NOTCH1: variants seen among roughly 807,000 people sequenced by gnomAD.
NOTCH1 encodes notch receptor 1.
NOTCH1 carries 37 observed loss-of-function variants against 254.8 expected under a neutral mutation model. The ratio of observed to expected loss-of-function variants is 0.15; its 90% CI spans 0.11 to 0.19. The LOEUF is 0.19. Ranked by LOEUF, NOTCH1 falls within the 10% of genes least tolerant of loss-of-function variation. The probability of loss-of-function intolerance (pLI) is 1.00; values close to 1 mark genes in which losing one functional copy is unlikely to be tolerated. For missense variants in NOTCH1, 2,972 were observed against 3,708.6 expected (o/e 0.80, Z 5.16); for synonymous variants, 1,731 against 1,618.1 (o/e 1.07, Z -1.68).
Position 136,506,861 on chromosome 9 carries a change from G to A in NOTCH1, c.3756C>T (p.Ser1252=), listed in dbSNP as rs1589059831. ...GTCVDQVGGY[S]CTCPPGFVGE... is the part of the protein sequence containing the mutation. ...CCACGAAGCCCGGCGGGCAGGTGCA[G>A]CTGTAGCCGCCCACCTGGTCCACGC... The change falls in exon 23 of 34, where the codon AGC becomes AGT. Residue 1252 remains serine, a synonymous_variant. Transcript: ENST00000651671. This position sits in a 1 kb window ranked among gnomAD's most constrained non-coding sequence, Gnocchi z 4.5. 6.2e-7 allele frequency: 1 copy of A among 1,611,186 alleles called. No individual in the cohort carries two copies. The highest frequency in any genetic ancestry group is 1.7e-4 in the Middle Eastern group (1 of 6,058).
At chr9:136,522,364 G>A (rs1172940044) in intron 4 of NOTCH1, among the ~76,000 whole-genome samples, 1 of 152,194 alleles carries the variant, frequency 6.6e-6, no homozygotes, top group Non-Finnish European at 1.5e-5. Flanking sequence ...AGGCTCCTAC[G>A]TACAACACGG....
intron 19 of NOTCH1, 98 bp downstream of exon 19, chr9:136,508,772 C>T (rs113223361): frequency 5.6e-6 from 7 of 1,247,642 alleles, no homozygotes; most frequent in African/African-American, 1.6e-5. Context: ...TGACCCCGAG[C>T]CGACACAGTG....
At chr9:136,504,589 C>A in intron 26 of NOTCH1, 84 bp downstream of exon 26, 2 of 1,363,170 alleles carry the variant, frequency 1.5e-6, no homozygotes, top group Non-Finnish European at 1.9e-6. Context: ...CTTGCCATGG[C>A]GCCGGCCGTG....
chr9:136,505,822 G>C lies in NOTCH1; in HGVS notation c.4074C>G (p.Leu1358=). The C allele has an allele frequency of 6.3e-7, 1 of 1,592,356 alleles. No individual in the cohort carries two copies. The highest frequency in any genetic ancestry group is 8.5e-7 in the Non-Finnish European group (1 of 1,174,538). The change falls in exon 25 of 34, where the codon CTC becomes CTG. Residue 1358 remains leucine, a synonymous_variant. Transcript: ENST00000651671. ...DARTCGSLRC[L]NGGTCISGPR... is the part of the protein sequence containing the mutation. ...GGCCGGAGATGCATGTGCCGCCGTT[G>C]AGGCAGCGCAGGCTGCCGCAGGTAC...
chr9:136,510,025 C>T lies in NOTCH1; in HGVS notation c.2741-64G>A, dbSNP rs549443754. 3.8e-5 allele frequency: 57 copies of T among 1,486,780 alleles called. No homozygotes were observed. The East Asian group carries it at 1.1e-3, about 28-fold the overall frequency. 92.1% of individuals were successfully genotyped at this position (1,486,780 alleles called of 1,614,324 possible). ...CAAACCCACACCTGCGGGAGGGGGC[C>T]GGGAAGGCTGCATGGCTGGGGACAG... On this transcript the variant is annotated intron_variant, in intron 17 of 33. Transcript: ENST00000651671.
chr9:136,502,852 C>T, intron 27 of NOTCH1: 3 of 580,020 alleles, frequency 5.2e-6, no homozygotes, highest in Non-Finnish European at 3.1e-6. Flanking sequence ...CAATTCTTCT[C>T]TCTCTCTCTT....
At chr9:136,510,449 G>A (rs1843160931) in intron 17 of NOTCH1, 1 of 658,970 alleles carries the variant, frequency 1.5e-6, no homozygotes, top group South Asian at 1.8e-5. Flanking sequence ...TCCGCGAAGT[G>A]CAGGGAGGAG....
chr9:136,508,165 G>T, intron 20 of NOTCH1, 26 bp from the exon 21 acceptor site: 2 of 1,608,348 alleles, frequency 1.2e-6, no homozygotes, highest in Middle Eastern at 1.7e-4. Flanking sequence ...TGGTAGACAG[G>T]TGAGGCCCAG....
intron 2 of NOTCH1, among the ~76,000 whole-genome samples, chr9:136,542,691 C>T (rs1843749416): frequency 6.6e-6 from 1 of 151,708 alleles, no homozygotes; most frequent in African/African-American, 2.4e-5. Flanking sequence ...GGGCCTGCTG[C>T]CCACAGGCTG....
In NOTCH1 at chr9:136,523,760, G is replaced by A. The variant is rs541839947; in HGVS notation, c.360C>T (p.Leu120=). 5.6e-6 allele frequency: 9 copies of A among 1,611,382 alleles called. No homozygotes were observed. In the South Asian group the frequency reaches 8.8e-5, roughly 16 times the overall value. The part of the protein sequence containing the change: ...PCRNGGTCDL[L]TLTEYKCRCP... ...AGCGGCACTTGTACTCCGTCAGCGT[G>A]AGCAGGTCGCAGGTGCCCCCGTTGC... is the stretch of plus-strand genomic sequence containing the variant. The change falls in exon 3 of 34, where the codon CTC becomes CTT. Residue 120 remains leucine (L), a synonymous_variant. Coordinates refer to ENST00000651671, the MANE Select transcript of NOTCH1 (RefSeq NM_017617.5).
intron 30 of NOTCH1, among the ~76,000 whole-genome samples, chr9:136,501,333 C>T (rs1165436598): frequency 6.6e-6 from 1 of 151,620 alleles, no homozygotes; most frequent in Non-Finnish European, 1.5e-5. Flanking sequence ...ACTGGGGAGG[C>T]TGAGGCAGGA....
At position 136,497,309 on chromosome 9, in the gene NOTCH1, C is replaced by G. The variant is rs776577038; in HGVS notation, c.6430G>C (p.Gly2144Arg). 2 of 1,607,422 alleles carry G rather than the reference C, an allele frequency of 1.2e-6. No homozygotes were observed. Among genetic ancestry groups the G allele is most frequent in the African/African-American group, 1.3e-5 (1 of 74,940 alleles). The change falls in exon 34 of 34, where the codon GGC becomes CGC. Residue 2144 changes from glycine (G) to arginine (R), a missense_variant. By Grantham distance (125) the Gly-to-Arg change is moderately radical. This residue lies in a region of NOTCH1 where 529 missense variants were observed against 529.2 expected (regional missense o/e 1.00). Transcript: ENST00000651671. Reference protein sequence around the residue: ...TLSPPLCSPNGYLGSLKPGVQ... With the variant: ...TLSPPLCSPNRYLGSLKPGVQ... ...CCGGGCTTGAGGCTGCCCAGGTAGC[C>G]GTTGGGCGAGCAGAGCGGGGGCGAC...
intron 27 of NOTCH1, 68 bp from the exon 28 acceptor site, chr9:136,502,556 CG>C (rs1334763265): frequency 9.7e-6 from 10 of 1,033,448 alleles, no homozygotes; most frequent in South Asian, 3.4e-5. Flanking sequence ...GGCTGGTGGC[CG>C]GGGGGCGGCG....
In NOTCH1 at chr9:136,513,329, G is replaced by A; in HGVS notation, c.2353+63C>T. The A allele has an allele frequency of 6.2e-7, 1 of 1,608,552 alleles. No individual in the cohort carries two copies. The highest frequency in any genetic ancestry group is 8.5e-7 in the Non-Finnish European group (1 of 1,178,096). Reference sequence around the variant, plus strand: ...CTGGCTGGACCTGGGTCCCGATCCTGTGTCTCCAGCTCCCCAGACTCGAGG... The same window carrying A: ...CTGGCTGGACCTGGGTCCCGATCCTATGTCTCCAGCTCCCCAGACTCGAGG... On this transcript the variant is annotated intron_variant, in intron 14 of 33. Transcript: ENST00000651671. The surrounding 1 kb of genome is among the most constrained non-coding windows in gnomAD (Gnocchi z 4.7).
intron 4 of NOTCH1, 22 bp downstream of exon 4, chr9:136,522,828 C>G: frequency 6.8e-7 from 1 of 1,463,684 alleles, no homozygotes; most frequent in Non-Finnish European, 9.0e-7. Flanking sequence ...GCTCGTGCAC[C>G]CCGGCCAGCG....
At chr9:136,509,475 C>T (rs553193559) in intron 18 of NOTCH1, among the ~76,000 whole-genome samples, 2 of 152,336 alleles carry the variant, frequency 1.3e-5, no homozygotes, top group East Asian at 1.9e-4. Context: ...ACAGAGTTCT[C>T]GTTGTCTAAT....
At chr9:136,514,914 C>T (rs1404643319) in intron 12 of NOTCH1, among the ~76,000 whole-genome samples, 2 of 152,134 alleles carry the variant, frequency 1.3e-5, no homozygotes, top group Admixed American at 1.3e-4. Flanking sequence ...GCCCCAGGGG[C>T]AGGGGCTACT....
intron 8 of NOTCH1, 133 bp from the exon 9 acceptor site, chr9:136,517,518 C>T (rs947508470): frequency 4.3e-5 from 35 of 817,382 alleles, no homozygotes; most frequent in African/African-American, 3.2e-4. Context: ...CCTGCGCACC[C>T]GCTCCCCTGC....
At position 136,508,926 on chromosome 9, in the gene NOTCH1, C is replaced by A; in HGVS notation, c.3115G>T (p.Gly1039Cys). The A allele has an allele frequency of 6.5e-7, 1 of 1,549,454 alleles. No homozygotes were observed. The highest frequency in any genetic ancestry group is 1.2e-5 in the South Asian group (1 of 84,020). ...PCLHGGTCQD[G>C]CGSYRCTCPQ... Reference sequence around the variant, plus strand: ...CAGGTGCACCTGTAGGAGCCGCAGCCGTCCTGACAGGTGCCGCCATGCAGG... The same window carrying A: ...CAGGTGCACCTGTAGGAGCCGCAGCAGTCCTGACAGGTGCCGCCATGCAGG... The change falls in exon 19 of 34, where the codon GGC (glycine) becomes TGC (cysteine). Residue 1039 changes from glycine to cysteine, a missense_variant. Transcript: ENST00000651671.
Sources: allele counts gnomAD v4.1 joint callset (sites outside exome capture counted in the v4.1 genomes callset), GRCh38; gene constraint gnomAD v4.1.1; regional missense constraint gnomAD v4.1.1; non-coding constraint Gnocchi (gnomAD v3.1); transcripts MANE v1.5; gene names NCBI Gene and HGNC (gene_info 2026-07-23, HGNC 2026-07-21).